The following SCFD1 variants were observed in gnomAD, a reference collection of about 807,000 sequenced individuals.
SCFD1 encodes sec1 family domain-containing protein 1.
A neutral mutation model predicts 103.2 loss-of-function variants in SCFD1; 37 were observed. The ratio of observed to expected loss-of-function variants is 0.36; its 90% CI spans 0.28 to 0.47. SCFD1 has a LOEUF of 0.47. Ranked by LOEUF, SCFD1 falls within the 20% of genes least tolerant of loss-of-function variation. SCFD1 has a pLI of 1.00. For missense variants in SCFD1, 639 were observed against 761.2 expected (o/e 0.84, Z 1.89); for synonymous variants, 264 against 245.0 (o/e 1.08, Z -0.73).
At chr14:30,625,599 TTATAGGTATAGGTA>T in intron 1 of SCFD1, among the ~76,000 whole-genome samples, 1 of 74,424 alleles carries the variant, frequency 1.3e-5, no homozygotes, top group Non-Finnish European at 2.4e-5. Flanking sequence ...ATCCTTTTTG[TTATAGGTATAGGTA>T]TACCTATATA....
In SCFD1 at chr14:30,670,344, A is replaced by G; in HGVS notation, c.944A>G (p.Lys315Arg). The change falls in exon 11 of 25, where the codon AAG becomes AGG. Residue 315 changes from lysine (K) to arginine (R), a missense_variant. By Grantham distance (26) the Lys-to-Arg change is conservative (BLOSUM62 2). Coordinates refer to ENST00000458591, the MANE Select transcript of SCFD1 (RefSeq NM_016106.4). ...AGARPKRKNK[K>R]SYDLTPVDKF... Reference sequence around the variant, plus strand: ...GCTAGACCAAAGAGAAAAAACAAGAAGTCTTATGATTTAACTCCGGTTGAT... The same window carrying G: ...GCTAGACCAAAGAGAAAAAACAAGAGGTCTTATGATTTAACTCCGGTTGAT... The G allele has an allele frequency of 6.3e-7, 1 of 1,593,838 alleles. No individual in the cohort carries two copies. Among genetic ancestry groups the G allele is most frequent in the South Asian group, 1.1e-5 (1 of 86,988 alleles).
intron 23 of SCFD1, among the ~76,000 whole-genome samples, chr14:30,728,640 A>G (rs1893216544): frequency 3.3e-5 from 5 of 152,294 alleles, no homozygotes; most frequent in African/African-American, 9.6e-5. Flanking sequence ...TTGAAGAACT[A>G]CAGACTGTTT....
Position 30,735,652 on chromosome 14 carries a change from A to G in SCFD1, c.*43A>G, listed in dbSNP as rs1204972898. On this transcript the variant is annotated 3_prime_UTR_variant, in exon 25 of 25. Coordinates refer to ENST00000458591, the MANE Select transcript of SCFD1 (RefSeq NM_016106.4). ...ATGATAATCTACTTGGAATGTGGAT[A>G]AATGTAAAAAGAAGAAAAGTTAGAA... 1.4e-6 allele frequency: 2 copies of G among 1,467,740 alleles called. No individual in the cohort carries two copies. The highest frequency in any genetic ancestry group is 1.4e-5 in the African/African-American group (1 of 70,634). 90.9% of individuals were successfully genotyped at this position (1,467,740 alleles called of 1,614,324 possible).
chr14:30,652,034 G>A lies in SCFD1; in HGVS notation c.755+1384G>A, dbSNP rs188324890. 1.2e-4 allele frequency among the ~76,000 whole-genome samples: 19 copies of A among 152,206 alleles called. No individual in the cohort carries two copies. In the South Asian group the frequency reaches 1.7e-3, roughly 13 times the overall value. On this transcript the variant is annotated intron_variant, in intron 9 of 24. Transcript: ENST00000458591. ...CAGTTCTAGGGTTAAGAAACCCTGC[G>A]GTAGGCCATCCTCCCTTACCTTCCA...
rs190730958 is a variant in SCFD1, at chr14:30,658,436, C to T, written c.855+4848C>T. On this transcript the variant is annotated intron_variant, in intron 10 of 24. Transcript: ENST00000458591. ...GAGATGGAGTCTTGCCCCGTCGCCCCGGCTGGAGTGCAGGAGTGCGATCTC... is the reference window on the plus strand; with the variant it reads ...GAGATGGAGTCTTGCCCCGTCGCCCTGGCTGGAGTGCAGGAGTGCGATCTC... The T allele has an allele frequency of 5.8e-5, 9 of 154,632 alleles. 1 individual carries two copies. Among genetic ancestry groups the T allele is most frequent in the South Asian group, 2.0e-4 (1 of 4,894 alleles). The allele number at this position is 154,632 out of a possible 1,614,324, so 9.6% of individuals were successfully genotyped here.
intron 14 of SCFD1, among the ~76,000 whole-genome samples, chr14:30,690,488 G>A (rs1594705960): frequency 8.6e-6 from 1 of 116,540 alleles, no homozygotes; most frequent in Admixed American, 8.6e-5. Flanking sequence ...GACCCTCTGA[G>A]CCAGGTGTGG....
At chr14:30,732,726 A>G (rs1345960993) in intron 23 of SCFD1, among the ~76,000 whole-genome samples, 2 of 152,248 alleles carry the variant, frequency 1.3e-5, no homozygotes, top group African/African-American at 2.4e-5. Flanking sequence ...ATAAGGGGCA[A>G]GTGCCAGAAA....
intron 4 of SCFD1, among the ~76,000 whole-genome samples, chr14:30,635,476 A>T (rs1031168970): frequency 1.3e-5 from 2 of 151,896 alleles, no homozygotes; most frequent in Non-Finnish European, 2.9e-5. Context: ...ATATTTGCCT[A>T]CTCTGACCAT....
At chr14:30,671,401 ATG>A (rs1170941664) in intron 11 of SCFD1, among the ~76,000 whole-genome samples, 4 of 152,132 alleles carry the variant, frequency 2.6e-5, no homozygotes, top group African/African-American at 4.8e-5. Context: ...TCCCTCCAGA[ATG>A]GTGAAGTACA....
chr14:30,677,394 CAA>C (rs1468554349), intron 14 of SCFD1, among the ~76,000 whole-genome samples: 1 of 152,074 alleles, frequency 6.6e-6, no homozygotes, highest in Non-Finnish European at 1.5e-5. Context: ...CTGATTTAAA[CAA>C]AGTGTGCTAT....
intron 10 of SCFD1, among the ~76,000 whole-genome samples, chr14:30,661,798 T>C (rs933304532): frequency 1.3e-5 from 2 of 152,158 alleles, no homozygotes; most frequent in African/African-American, 4.8e-5. Flanking sequence ...CATTTTCTCT[T>C]GTGGAAATTA....
chr14:30,717,871 A>T (rs182770879), intron 20 of SCFD1, among the ~76,000 whole-genome samples: 1 of 151,280 alleles, frequency 6.6e-6, no homozygotes, highest in Admixed American at 6.6e-5. Flanking sequence ...GTGACAGAGC[A>T]AGACTCTGCC....
chr14:30,683,008 TAAA>T, intron 14 of SCFD1: 1 of 1,114,952 alleles, frequency 9.0e-7, no homozygotes, highest in Non-Finnish European at 1.3e-6. Flanking sequence ...AAGGAAAAGT[TAAA>T]AAGACGACAC....
At chr14:30,638,081 GTCT>G in intron 4 of SCFD1, 41 bp from the exon 5 acceptor site, 1 of 1,505,692 alleles carries the variant, frequency 6.6e-7, no homozygotes. Context: ...TGTATTCATG[GTCT>G]TCTTTATCCT....
rs1353532503 is a variant in SCFD1, at chr14:30,633,936, A to G, written c.222-11A>G. ...ATAAAAAAATAAGTTTTAGTTCCTT[A>G]TGTCTTCTAGGCTTTTACACTCTGA... On this transcript the variant is annotated splice_polypyrimidine_tract_variant and intron_variant, in intron 3 of 24. Coordinates refer to ENST00000458591, the MANE Select transcript of SCFD1 (RefSeq NM_016106.4). The G allele has an allele frequency of 1.3e-6, 2 of 1,520,226 alleles. No individual in the cohort carries two copies. The highest frequency in any genetic ancestry group is 1.4e-5 in the African/African-American group (1 of 71,222). The allele number at this position is 1,520,226 out of a possible 1,614,324, so 94.2% of individuals were successfully genotyped here.
intron 14 of SCFD1, among the ~76,000 whole-genome samples, chr14:30,678,137 C>T (rs1889193305): frequency 6.6e-6 from 1 of 152,034 alleles, no homozygotes; most frequent in Non-Finnish European, 1.5e-5. Context: ...CGCGCCTGGC[C>T]GTAAATATTT....
intron 14 of SCFD1, among the ~76,000 whole-genome samples, chr14:30,682,679 C>G (rs563643134): frequency 5.3e-4 from 81 of 152,224 alleles, no homozygotes; most frequent in Middle Eastern, 3.4e-3. Flanking sequence ...TATAATGCAG[C>G]ATTACTGGTG....
At chr14:30,675,128 A>G in intron 14 of SCFD1, 63 bp downstream of exon 14, 1 of 840,904 alleles carries the variant, frequency 1.2e-6, no homozygotes, top group South Asian at 2.1e-5. Context: ...TATACTTTGT[A>G]AGATGCTTTA....
intron 11 of SCFD1, among the ~76,000 whole-genome samples, chr14:30,672,027 AAGAAAG>A (rs1888593719): frequency 6.6e-6 from 1 of 151,210 alleles, no homozygotes. Context: ...AAAAAAAAAA[AAGAAAG>A]AAAAGATAAA....
Sources: allele counts gnomAD v4.1 joint callset (sites outside exome capture counted in the v4.1 genomes callset), GRCh38; gene constraint gnomAD v4.1.1; transcripts MANE v1.5; gene names NCBI Gene and HGNC (gene_info 2026-07-23, HGNC 2026-07-21).